The following NELL2 variants were observed in gnomAD, a reference collection of about 807,000 sequenced individuals.
NELL2 encodes protein kinase C-binding protein NELL2.
Under a neutral mutation model 109.6 loss-of-function variants are expected in NELL2, and 41 were observed. That is an observed-to-expected ratio of 0.37 (90% confidence interval 0.29 to 0.49). NELL2 has a LOEUF of 0.49. Among genes scored for constraint, NELL2 ranks in the 20% least tolerant of loss-of-function variants. The pLI is 0.98. For missense variants in NELL2, 900 were observed against 1,008.3 expected, an observed-to-expected ratio of 0.89 and a Z score of 1.45; for synonymous variants, 355 against 344.7, an observed-to-expected ratio of 1.03 and a Z score of -0.33.
rs1292815355 is a variant in NELL2, at chr12:44,911,970, A to C, written c.38+1829T>G. On this transcript the variant is annotated intron_variant, in intron 1 of 20. Transcript: ENST00000333837. ...TGTACCCTAAAACTTAAAGTATAAT[A>C]ATAATAAAATTTAAAAAAATAAATA... Among the ~76,000 whole-genome samples, 3 of 151,224 alleles carry C rather than the reference A, an allele frequency of 2.0e-5. No homozygotes were observed. The East Asian group carries it at 5.8e-4, about 29-fold the overall frequency.
chr12:44,850,206 G>C (rs1253126096), intron 2 of NELL2, among the ~76,000 whole-genome samples: 1 of 152,034 alleles, frequency 6.6e-6, no homozygotes, highest in Non-Finnish European at 1.5e-5. Context: ...AATTTTGAGG[G>C]ACATAACTTC....
intron 13 of NELL2, among the ~76,000 whole-genome samples, chr12:44,631,542 C>A (rs1946457478): frequency 6.6e-6 from 1 of 151,872 alleles, no homozygotes; most frequent in African/African-American, 2.4e-5. Context: ...AGGGTGGGGA[C>A]AGAAGGAGGG....
rs546127002 is a variant in NELL2 at position 44,743,729 on chromosome 12, C to G, written c.995-28988G>C. 1.8e-3 allele frequency among the ~76,000 whole-genome samples: 275 copies of G among 152,296 alleles called. 2 individuals carry two copies. The highest frequency in any genetic ancestry group is 5.6e-3 in the African/African-American group (234 of 41,564). ...GGCCATCACATAATGGTAAAGGGAT[C>G]AATTCAACAAGAAGAGCTAACCAGC... On this transcript the variant is annotated intron_variant, in intron 9 of 19. Transcript: ENST00000429094.
At chr12:44,674,056 CATT>C (rs1298517979) in intron 12 of NELL2, among the ~76,000 whole-genome samples, 13 of 151,934 alleles carry the variant, frequency 8.6e-5, no homozygotes, top group African/African-American at 2.7e-4. Context: ...TACATGATAA[CATT>C]ATAAAGTGAT....
intron 10 of NELL2, among the ~76,000 whole-genome samples, chr12:44,712,519 C>T (rs1395241995): frequency 1.3e-5 from 2 of 151,962 alleles, no homozygotes. Context: ...AAGGACAAAA[C>T]TGACAATAAA....
At chr12:44,664,958 A>C (rs758099960) in intron 13 of NELL2, among the ~76,000 whole-genome samples, 2 of 152,112 alleles carry the variant, frequency 1.3e-5, no homozygotes, top group Non-Finnish European at 2.9e-5. Context: ...TATCCCTAAC[A>C]AGACTTTAGA....
intron 10 of NELL2, among the ~76,000 whole-genome samples, 185 bp from the exon 11 acceptor site, chr12:44,711,579 G>A (rs1938206346): frequency 1.3e-5 from 2 of 152,012 alleles, no homozygotes; most frequent in African/African-American, 2.4e-5. Context: ...TTTAGAATAA[G>A]CAAGTCTTTA....
At chr12:44,719,208 A>AG (rs1938641996) in intron 9 of NELL2, among the ~76,000 whole-genome samples, 1 of 152,242 alleles carries the variant, frequency 6.6e-6, no homozygotes, top group Non-Finnish European at 1.5e-5. Context: ...GTTGTTAAAA[A>AG]GTGAAAGGTA....
intron 16 of NELL2, among the ~76,000 whole-genome samples, chr12:44,524,169 G>A (rs1306266108): frequency 6.6e-6 from 1 of 152,116 alleles, no homozygotes; most frequent in African/African-American, 2.4e-5. Context: ...TTTGTCCCCT[G>A]TCTAACTCAA....
intron 9 of NELL2, among the ~76,000 whole-genome samples, chr12:44,740,853 A>C (rs533501971): frequency 1.3e-5 from 2 of 152,336 alleles, no homozygotes; most frequent in African/African-American, 2.4e-5. Context: ...TATGTCATGG[A>C]AACAGCACAT....
chr12:44,595,519 C>T (rs1263664429), intron 15 of NELL2, among the ~76,000 whole-genome samples: 6 of 152,182 alleles, frequency 3.9e-5, no homozygotes, highest in South Asian at 4.1e-4. Context: ...CTCCGCCTCC[C>T]GGCTTCATGC....
intron 19 of NELL2, among the ~76,000 whole-genome samples, chr12:44,510,066 T>C (rs1414806289): frequency 1.3e-5 from 2 of 152,126 alleles, no homozygotes; most frequent in African/African-American, 2.4e-5. Flanking sequence ...CAAAACAATA[T>C]AGTGTTGTAC....
chr12:44,752,116 T>C (rs1276269467), intron 9 of NELL2, among the ~76,000 whole-genome samples: 1 of 152,226 alleles, frequency 6.6e-6, no homozygotes, highest in Non-Finnish European at 1.5e-5. Flanking sequence ...TGCAAAAATG[T>C]TATGCTGCCA....
At chr12:44,868,753 G>C (rs1447866718) in intron 2 of NELL2, among the ~76,000 whole-genome samples, 3 of 152,104 alleles carry the variant, frequency 2.0e-5, no homozygotes, top group Non-Finnish European at 2.9e-5. Context: ...ATAGTTGTTG[G>C]GGAGATGTTG....
intron 3 of NELL2, among the ~76,000 whole-genome samples, chr12:44,789,576 C>G (rs1942306966): frequency 6.6e-6 from 1 of 151,982 alleles, no homozygotes; most frequent in African/African-American, 2.4e-5. Flanking sequence ...TTTAACACCC[C>G]CCAAAAATCA....
intron 8 of NELL2, 104 bp downstream of exon 8, chr12:44,775,918 G>T: frequency 7.4e-7 from 1 of 1,345,142 alleles, no homozygotes; most frequent in Non-Finnish European, 1.0e-6. Flanking sequence ...GTTGTGTCTT[G>T]AGGAAATGGG....
At chr12:44,902,144 A>G (rs1290624144) in intron 1 of NELL2, among the ~76,000 whole-genome samples, 1 of 152,240 alleles carries the variant, frequency 6.6e-6, no homozygotes, top group East Asian at 1.9e-4. Context: ...TTGTATATTT[A>G]GAAAACCCCA....
In NELL2 at chr12:44,875,075, G is replaced by A. The variant is rs75937724; in HGVS notation, c.184+150C>T. The A allele has an allele frequency of 8.8e-6, 9 of 1,024,728 alleles. 1 individual carries two copies. Among genetic ancestry groups the A allele is most frequent in the Non-Finnish European group, 1.2e-5 (9 of 726,366 alleles). The allele number at this position is 1,024,728 out of a possible 1,614,324, so 63.5% of individuals were successfully genotyped here. A position where few individuals can be genotyped will look rare whatever the true frequency, so the allele number is the denominator to read the frequency against. ...GAGAAAAAACCACTTAAAAGAGATA[G>A]GGATATGTGTCTCACACTGGCCCTT... On this transcript the variant is annotated intron_variant, in intron 2 of 19. Transcript: ENST00000429094.
At chr12:44,799,392 C>T (rs1043897994) in intron 3 of NELL2, among the ~76,000 whole-genome samples, 1 of 151,950 alleles carries the variant, frequency 6.6e-6, no homozygotes, top group Non-Finnish European at 1.5e-5. Context: ...AGCTGCAAAC[C>T]GGTTCTGCCT....
Sources: allele counts gnomAD v4.1 joint callset (sites outside exome capture counted in the v4.1 genomes callset), GRCh38; gene constraint gnomAD v4.1.1; transcripts MANE v1.5; gene names NCBI Gene and HGNC (gene_info 2026-07-23, HGNC 2026-07-21).